EGFR: variants seen among roughly 807,000 people sequenced by gnomAD.
EGFR encodes epidermal growth factor receptor.
In EGFR, 58 loss-of-function variants were observed where a neutral mutation model predicts 143.0. The observed-to-expected ratio is 0.41, with a 90% confidence interval of 0.33 to 0.50. The LOEUF is 0.50. Among genes scored for constraint, EGFR ranks in the 20% least tolerant of loss-of-function variants. The pLI is 0.39. For synonymous variants in EGFR, 613 were observed against 594.4 expected (o/e 1.03, Z -0.45); for missense variants, 1,307 against 1,579.0 (o/e 0.83, Z 2.92).
At chr7:55,181,507 G>A (rs777246081) in intron 20 of EGFR, 29 bp downstream of exon 20, 1 of 1,614,110 alleles carries the variant, frequency 6.2e-7, no homozygotes, top group South Asian at 1.1e-5. Flanking sequence ...TACGGGGAGG[G>A]GAGATAAGGA....
chr7:55,153,184 CT>C (rs1285946694), intron 6 of EGFR, among the ~76,000 whole-genome samples: 1 of 152,222 alleles, frequency 6.6e-6, no homozygotes, highest in African/African-American at 2.4e-5. Flanking sequence ...TCCACCACTG[CT>C]CAGGCACCTC....
intron 1 of EGFR, among the ~76,000 whole-genome samples, chr7:55,123,602 A>T (rs1793340381): frequency 6.6e-6 from 1 of 152,128 alleles, no homozygotes; most frequent in Non-Finnish European, 1.5e-5. Flanking sequence ...CAGCAGCTTG[A>T]GGGTCTCCAT....
At chr7:55,176,959 C>A (rs991408475) in intron 19 of EGFR, among the ~76,000 whole-genome samples, 1 of 147,910 alleles carries the variant, frequency 6.8e-6, no homozygotes, top group African/African-American at 2.5e-5. Flanking sequence ...ATATATATAT[C>A]CCTAAATATA....
chr7:55,151,399 G>T, intron 5 of EGFR, 37 bp downstream of exon 5: 2 of 1,602,824 alleles, frequency 1.2e-6, no homozygotes, highest in East Asian at 2.2e-5. Context: ...ATGTGTGACC[G>T]CCCCTCTCTT....
At chr7:55,057,964 T>C (rs1040218959) in intron 1 of EGFR, among the ~76,000 whole-genome samples, 1 of 152,254 alleles carries the variant, frequency 6.6e-6, no homozygotes, top group East Asian at 1.9e-4. Flanking sequence ...GTGTTAGTTT[T>C]TGTTATTAGC....
chr7:55,091,690 G>A (rs1265364446), intron 1 of EGFR, among the ~76,000 whole-genome samples: 2 of 152,130 alleles, frequency 1.3e-5, no homozygotes, highest in African/African-American at 4.8e-5. Context: ...TGGCAAGCCG[G>A]GCCCAGGAGT....
At chr7:55,090,093 T>C (rs2128894366) in intron 1 of EGFR, among the ~76,000 whole-genome samples, 1 of 152,066 alleles carries the variant, frequency 6.6e-6, no homozygotes, top group African/African-American at 2.4e-5. Context: ...CTCAGCCTCC[T>C]CAGTAGCTGA....
At chr7:55,109,762 C>T in intron 1 of EGFR, 1 of 985,374 alleles carries the variant, frequency 1.0e-6, no homozygotes, top group Non-Finnish European at 1.2e-6. Context: ...ATTTCCATGA[C>T]AAAAGGGCCT....
rs762016851 is a variant in EGFR, at chr7:55,205,384, G to A, written c.3400G>A (p.Gly1134Ser). ...CCAGGACCCCCACAGCACTGCAGTG[G>A]GCAACCCCGAGTATCTCAACACTGT... ...HYQDPHSTAV[G>S]NPEYLNTVQP... The change falls in exon 28 of 28, where the codon GGC (glycine) becomes AGC (serine). Residue 1134 changes from glycine to serine, a missense_variant. Transcript: ENST00000275493. 1 of 1,614,046 alleles carries A rather than the reference G, an allele frequency of 6.2e-7. No individual in the cohort carries two copies. The highest frequency in any genetic ancestry group is 1.7e-5 in the Admixed American group (1 of 60,004).
At chr7:55,106,499 G>A (rs559693211) in intron 1 of EGFR, among the ~76,000 whole-genome samples, 2 of 152,248 alleles carry the variant, frequency 1.3e-5, no homozygotes, top group East Asian at 3.9e-4. Flanking sequence ...CTTTCCTTGG[G>A]CACCAATATG....
intron 20 of EGFR, 98 bp downstream of exon 20, chr7:55,181,576 A>G (rs2128959127): frequency 7.0e-7 from 1 of 1,427,328 alleles, no homozygotes; most frequent in Non-Finnish European, 9.8e-7. Context: ...CCATGGGGAT[A>G]TGTGTGTGCG....
Position 55,160,283 on chromosome 7 carries a change from T to A in EGFR, c.1443T>A (p.Phe481Leu), listed in dbSNP as rs587778247. ...ATACAATAAACTGGAAAAAACTGTT[T>A]GGGACCTCCGGTCAGAAAACCAAAA... ...YANTINWKKL[F>L]GTSGQKTKII... The change falls in exon 12 of 28, where the codon TTT becomes TTA. Residue 481 changes from phenylalanine (F) to leucine (L), a missense_variant. Around this residue, in one of 7 missense-constraint regions of EGFR, gnomAD observed 250 missense variants for 295.1 expected, o/e 0.85. Coordinates refer to ENST00000275493, the MANE Select transcript of EGFR (RefSeq NM_005228.5). 1 of 1,614,044 alleles carries A rather than the reference T, an allele frequency of 6.2e-7. No homozygotes were observed. The highest frequency in any genetic ancestry group is 1.1e-5 in the South Asian group (1 of 91,076).
At chr7:55,062,670 A>G (rs1280474982) in intron 1 of EGFR, among the ~76,000 whole-genome samples, 2 of 152,086 alleles carry the variant, frequency 1.3e-5, no homozygotes, top group Non-Finnish European at 2.9e-5. Context: ...TCCCATCGCT[A>G]TTTTATGTGA....
chr7:55,195,525 A>ACTT (rs1787579187), intron 22 of EGFR, among the ~76,000 whole-genome samples: 1 of 152,108 alleles, frequency 6.6e-6, no homozygotes. Flanking sequence ...CATTTTTTTA[A>ACTT]CTTTTATTTT....
chr7:55,045,722 T>G (rs913671704), intron 1 of EGFR, among the ~76,000 whole-genome samples: 1 of 152,254 alleles, frequency 6.6e-6, no homozygotes, highest in Non-Finnish European at 1.5e-5. Flanking sequence ...AAGTGAAAAG[T>G]GCCTGGCATC....
intron 1 of EGFR, among the ~76,000 whole-genome samples, chr7:55,030,736 G>A (rs1787199735): frequency 6.6e-6 from 1 of 152,228 alleles, no homozygotes; most frequent in South Asian, 2.1e-4. Context: ...TACAAAAAGA[G>A]ACAAACTTAA....
At chr7:55,025,445 C>T (rs915358991) in intron 1 of EGFR, among the ~76,000 whole-genome samples, 3 of 152,008 alleles carry the variant, frequency 2.0e-5, no homozygotes, top group African/African-American at 7.3e-5. Context: ...AATGCAATCA[C>T]AAAGGCTGGG....
intron 1 of EGFR, among the ~76,000 whole-genome samples, chr7:55,039,848 G>A (rs7784148): frequency 0.046 from 7,004 of 152,248 alleles, 406 homozygotes; most frequent in African/African-American, 0.14. Context: ...ATGAGGGAGC[G>A]CTGGGGAGAG....
chr7:55,174,851 A>G (rs751629380), intron 19 of EGFR, 31 bp downstream of exon 19: 2 of 1,581,766 alleles, frequency 1.3e-6, no homozygotes, highest in Non-Finnish European at 1.7e-6. Context: ...GTGGGGGTCC[A>G]TGGCTCTGAA....
Sources: gnomAD v4.1 joint callset for allele counts (sites outside exome capture counted in the v4.1 genomes callset) on GRCh38, gnomAD v4.1.1 for gene constraint, gnomAD v4.1.1 regional missense constraint, MANE v1.5 for transcripts, NCBI Gene and HGNC (gene_info 2026-07-23, HGNC 2026-07-21) for gene names.